AUTS2: variants seen among roughly 807,000 people sequenced by gnomAD.
AUTS2 encodes the protein autism susceptibility gene 2 protein.
In AUTS2, 17 loss-of-function variants were observed where a neutral mutation model predicts 112.4. The observed-to-expected ratio is 0.15, with a 90% CI of 0.10 to 0.23. The LOEUF (loss-of-function observed/expected upper bound fraction) is 0.23. Among genes scored for constraint, AUTS2 ranks in the 10% least tolerant of loss-of-function variants. The probability of loss-of-function intolerance (pLI) is 1.00; values close to 1 mark genes in which losing one functional copy is unlikely to be tolerated. For missense variants in AUTS2, 1,510 were observed against 1,701.6 expected, an observed-to-expected ratio of 0.89 and a Z score of 1.98; for synonymous variants, 751 against 702.7, an observed-to-expected ratio of 1.07 and a Z score of -1.09.
At chr7:70,078,768 A>G (rs1204319051) in intron 2 of AUTS2, among the ~76,000 whole-genome samples, 1 of 152,220 alleles carries the variant, frequency 6.6e-6, no homozygotes, top group African/African-American at 2.4e-5. Flanking sequence ...AGAGAATGAG[A>G]GAAGCATCCT....
chr7:70,528,111 T>A (rs1034540397), intron 5 of AUTS2, among the ~76,000 whole-genome samples: 8 of 149,518 alleles, frequency 5.4e-5, no homozygotes, highest in African/African-American at 2.0e-4. Flanking sequence ...TTTTTTTTTT[T>A]TTTTTTTTAC....
chr7:70,763,260 T>G lies in AUTS2; in HGVS notation c.1133T>G (p.Val378Gly). 1 of 1,613,644 alleles carries G rather than the reference T, an allele frequency of 6.2e-7. No individual in the cohort carries two copies. The highest frequency in any genetic ancestry group is 8.5e-7 in the Non-Finnish European group (1 of 1,179,816). The change falls in exon 7 of 19, where the codon GTG (valine) becomes GGG (glycine). Residue 378 changes from valine to glycine, a missense_variant. This residue lies in a region of AUTS2 where 535 missense variants were observed against 594.3 expected (regional missense o/e 0.90). Coordinates refer to ENST00000342771, the MANE Select transcript of AUTS2 (RefSeq NM_015570.4). ...TQLLHQNLPP[V>G]QAHPSAQSLS... is the part of the protein sequence containing the mutation. ...CTGCTCCATCAGAACCTCCCACCTG[T>G]GCAGGCCCACCCCTCTGCTCAGAGC...
chr7:70,184,153 A>C (rs924005839), intron 4 of AUTS2, among the ~76,000 whole-genome samples: 1 of 152,190 alleles, frequency 6.6e-6, no homozygotes. Flanking sequence ...TTAAATCAAC[A>C]ACTTGTTATT....
chr7:70,420,413 C>T (rs1198885383), intron 4 of AUTS2, among the ~76,000 whole-genome samples: 1 of 152,166 alleles, frequency 6.6e-6, no homozygotes, highest in African/African-American at 2.4e-5. Context: ...TGTTACAGAG[C>T]AGCAGAGGCC....
intron 5 of AUTS2, among the ~76,000 whole-genome samples, chr7:70,538,141 G>A (rs1370667144): frequency 6.6e-6 from 1 of 152,150 alleles, no homozygotes; most frequent in Non-Finnish European, 1.5e-5. Context: ...AGAGGCTGAG[G>A]CTGGAGGATC....
intron 1 of AUTS2, among the ~76,000 whole-genome samples, chr7:69,704,937 A>G (rs1797996287): frequency 6.6e-6 from 1 of 151,872 alleles, no homozygotes; most frequent in African/African-American, 2.4e-5. Flanking sequence ...CACAATCACA[A>G]CTCACTGCAG....
At chr7:69,997,267 T>C (rs1798989026) in intron 2 of AUTS2, among the ~76,000 whole-genome samples, 1 of 152,190 alleles carries the variant, frequency 6.6e-6, no homozygotes, top group Non-Finnish European at 1.5e-5. Flanking sequence ...TTACTTGTTC[T>C]CCTATGTCTT....
intron 1 of AUTS2, among the ~76,000 whole-genome samples, chr7:69,775,579 A>G (rs539382881): frequency 6.6e-6 from 1 of 152,154 alleles, no homozygotes; most frequent in East Asian, 1.9e-4. Flanking sequence ...GTCCACCCAG[A>G]TAAAGTGTAG....
intron 5 of AUTS2, among the ~76,000 whole-genome samples, chr7:70,477,819 C>G (rs1258640638): frequency 2.2e-5 from 1 of 45,360 alleles, no homozygotes; most frequent in African/African-American, 1.7e-4. Context: ...CTTTCCTTGC[C>G]AAGCTCAGAA....
In AUTS2 at chr7:70,787,381, T is replaced by C. The variant is rs748520514; in HGVS notation, c.2481T>C (p.Asp827=). 3.7e-6 allele frequency: 6 copies of C among 1,613,796 alleles called. No homozygotes were observed. The highest frequency in any genetic ancestry group is 3.3e-5 in the Admixed American group (2 of 59,984). Residue 827 remains aspartate, a synonymous_variant, in exon 18 of 19, where the codon GAT becomes GAC. Coordinates refer to ENST00000342771, the MANE Select transcript of AUTS2 (RefSeq NM_015570.4). ...CGTCCGCTGCAGCTCATGACAGAGATAGAGATGTAGATAAACGAGACTCAT... is the reference window on the plus strand; with the variant it reads ...CGTCCGCTGCAGCTCATGACAGAGACAGAGATGTAGATAAACGAGACTCAT... ...RSASAAAHDR[D]RDVDKRDSSV...
chr7:70,539,747 G>C (rs1311110748), intron 5 of AUTS2, among the ~76,000 whole-genome samples: 1 of 152,154 alleles, frequency 6.6e-6, no homozygotes, highest in East Asian at 1.9e-4. Flanking sequence ...GGCGTCTGTG[G>C]GAGAGTGGCA....
At chr7:69,899,859 A>G (rs1794903466) in intron 2 of AUTS2, among the ~76,000 whole-genome samples, 1 of 152,222 alleles carries the variant, frequency 6.6e-6, no homozygotes, top group South Asian at 2.1e-4. Context: ...ATTTCATCAC[A>G]TACATTGTGC....
At chr7:70,104,123 A>G (rs6943610) in intron 2 of AUTS2, among the ~76,000 whole-genome samples, 34,227 of 150,782 alleles carry the variant, frequency 0.23, 3,964 homozygotes, top group Middle Eastern at 0.3. Context: ...GCTGCTGTCC[A>G]GGCTATTTTG....
intron 1 of AUTS2, among the ~76,000 whole-genome samples, chr7:69,843,846 T>C (rs1380877290): frequency 6.6e-6 from 1 of 152,158 alleles, no homozygotes; most frequent in Non-Finnish European, 1.5e-5. Flanking sequence ...GGAATTTGCA[T>C]GAAGGTCCAC....
At chr7:70,396,214 C>T (rs1246196612) in intron 4 of AUTS2, among the ~76,000 whole-genome samples, 1 of 152,132 alleles carries the variant, frequency 6.6e-6, no homozygotes, top group Non-Finnish European at 1.5e-5. Context: ...TTCCTCCTGC[C>T]CATTCACCCA....
chr7:70,467,587 T>C (rs1335991624), intron 5 of AUTS2, among the ~76,000 whole-genome samples: 1 of 152,232 alleles, frequency 6.6e-6, no homozygotes, highest in Non-Finnish European at 1.5e-5. Context: ...TTGACTTTGA[T>C]TTTTTGGGGG....
intron 1 of AUTS2, among the ~76,000 whole-genome samples, chr7:69,722,378 ATTTT>A (rs34149543): frequency 7.0e-6 from 1 of 142,712 alleles, no homozygotes; most frequent in Non-Finnish European, 1.5e-5. Context: ...CTTATTCTAC[ATTTT>A]TTTTTTTTTT....
At chr7:70,739,316 C>G (rs1281414382) in intron 6 of AUTS2, among the ~76,000 whole-genome samples, 1 of 151,012 alleles carries the variant, frequency 6.6e-6, no homozygotes, top group Non-Finnish European at 1.5e-5. Context: ...TGCTCAATAC[C>G]ACACCCCACT....
chr7:70,332,766 G>C (rs1364992619), intron 4 of AUTS2, among the ~76,000 whole-genome samples: 1 of 152,192 alleles, frequency 6.6e-6, no homozygotes, highest in Non-Finnish European at 1.5e-5. Flanking sequence ...GCCATATGCA[G>C]AAAACTGAAA....
Sources: allele counts gnomAD v4.1 joint callset (sites outside exome capture counted in the v4.1 genomes callset), GRCh38; gene constraint gnomAD v4.1.1; regional missense constraint gnomAD v4.1.1; transcripts MANE v1.5; gene names NCBI Gene and HGNC (gene_info 2026-07-23, HGNC 2026-07-21).